TULP3: variants seen among roughly 807,000 people sequenced by gnomAD.
TULP3 encodes the protein tubby-related protein 3.
Under a neutral mutation model 50.7 loss-of-function variants are expected in TULP3, and 38 were observed. The observed-to-expected ratio is 0.75, with a 90% confidence interval of 0.58 to 0.98. The LOEUF is 0.98. TULP3 is among the 50% of genes least tolerant of loss of function. The pLI, the probability that TULP3 is intolerant of heterozygous loss-of-function variation, is 0.00. For synonymous variants in TULP3, 183 were observed against 196.6 expected (o/e 0.93, Z 0.58); for missense variants, 550 against 568.0 (o/e 0.97, Z 0.32).
intron 1 of TULP3, among the ~76,000 whole-genome samples, chr12:2,895,733 A>C (rs1267095572): frequency 2.6e-5 from 4 of 152,180 alleles, no homozygotes; most frequent in Admixed American, 2.6e-4. Context: ...ATTCTGAGAA[A>C]TGTGTCATTA....
chr12:2,908,580 C>T (rs2098183722), intron 1 of TULP3, among the ~76,000 whole-genome samples: 1 of 147,978 alleles, frequency 6.8e-6, no homozygotes, highest in East Asian at 2.0e-4. Flanking sequence ...GTGGCCACCA[C>T]ACCTGGCTAA....
intron 1 of TULP3, among the ~76,000 whole-genome samples, chr12:2,901,399 TGAGACA>T (rs1377931870): frequency 6.6e-6 from 1 of 151,570 alleles, no homozygotes; most frequent in East Asian, 1.9e-4. Flanking sequence ...TTTTATTTTT[TGAGACA>T]GAGTATCACT....
intron 4 of TULP3, among the ~76,000 whole-genome samples, chr12:2,924,993 C>T (rs1016682005): frequency 1.3e-5 from 2 of 152,096 alleles, no homozygotes; most frequent in African/African-American, 4.8e-5. Context: ...CTGGCTAACA[C>T]GGTGAAACCC....
chr12:2,918,906 G>A (rs1330063501), intron 2 of TULP3, among the ~76,000 whole-genome samples: 12 of 146,074 alleles, frequency 8.2e-5, no homozygotes, highest in East Asian at 2.1e-4. Context: ...TTTTTTTTGA[G>A]ACAGAGTCTC....
chr12:2,897,092 T>C (rs1051649081), intron 1 of TULP3, among the ~76,000 whole-genome samples: 3 of 152,080 alleles, frequency 2.0e-5, no homozygotes, highest in Non-Finnish European at 4.4e-5. Context: ...CATGGCAACC[T>C]CCACCTCCTG....
intron 8 of TULP3, among the ~76,000 whole-genome samples, chr12:2,936,800 AAAT>A (rs199611073): frequency 0.2 from 30,612 of 151,630 alleles, 3,163 homozygotes; most frequent in South Asian, 0.26. Flanking sequence ...ATTCTGTTTT[AAAT>A]GTAGGTGTTT....
chr12:2,894,576 C>CA (rs1177993135), intron 1 of TULP3, among the ~76,000 whole-genome samples: 1 of 148,342 alleles, frequency 6.7e-6, no homozygotes, highest in Non-Finnish European at 1.5e-5. Context: ...CGCACGCACA[C>CA]AAAAAAGAGA....
At chr12:2,899,345 C>CAAAAAAA (rs55818833) in intron 1 of TULP3, among the ~76,000 whole-genome samples, 11 of 82,798 alleles carry the variant, frequency 1.3e-4, no homozygotes, top group Non-Finnish European at 1.7e-4. Flanking sequence ...AACGACGTCT[C>CAAAAAAA]AAAAAAAAAA....
intron 3 of TULP3, 41 bp from the exon 4 acceptor site, chr12:2,922,221 C>A (rs1399367076): frequency 6.2e-7 from 1 of 1,600,056 alleles, no homozygotes; most frequent in South Asian, 1.1e-5. Context: ...GTGAATAATA[C>A]TTTGCTCCTT....
chr12:2,891,474 A>G (rs2098172015), intron 1 of TULP3, among the ~76,000 whole-genome samples: 1 of 152,198 alleles, frequency 6.6e-6, no homozygotes, highest in Non-Finnish European at 1.5e-5. Context: ...GGAAACGCGA[A>G]ACTTCTTTTT....
intron 4 of TULP3, among the ~76,000 whole-genome samples, chr12:2,924,759 T>C (rs916389412): frequency 2.0e-5 from 3 of 149,586 alleles, no homozygotes; most frequent in African/African-American, 7.4e-5. Context: ...GAGGCTGAGG[T>C]GGGAGGATTG....
intron 1 of TULP3, 58 bp downstream of exon 1, chr12:2,891,046 G>A: frequency 6.7e-7 from 1 of 1,484,378 alleles, no homozygotes; most frequent in Non-Finnish European, 9.0e-7. Context: ...GAAGCGAGAA[G>A]GCGGAGGTCC....
At position 2,939,229 on chromosome 12, in the gene TULP3, T is replaced by C. The variant is rs2098203259; in HGVS notation, c.1196-82T>C. 1 of 1,497,340 alleles carries C rather than the reference T, an allele frequency of 6.7e-7. No individual in the cohort carries two copies. The highest frequency in any genetic ancestry group is 1.8e-5 in the Admixed American group (1 of 56,142). The allele number at this position is 1,497,340 out of a possible 1,614,324, so 92.8% of individuals were successfully genotyped here. On this transcript the variant is annotated intron_variant, in intron 10 of 10. Transcript: ENST00000448120. This position sits in a 1 kb window ranked among gnomAD's most constrained non-coding sequence, Gnocchi z 4.0. ...CAGGGCGACAGAGCAAAACCCCATC[T>C]AAGAAAAGGAAGAAAAAGAAAAAGA...
intron 4 of TULP3, among the ~76,000 whole-genome samples, chr12:2,927,864 C>G (rs1450730624): frequency 2.2e-4 from 34 of 152,274 alleles, no homozygotes; most frequent in African/African-American, 7.7e-4. Context: ...GGGGTAACTT[C>G]ACCCCGCAGA....
chr12:2,892,263 CT>C (rs554716409), intron 1 of TULP3, among the ~76,000 whole-genome samples: 17 of 148,742 alleles, frequency 1.1e-4, no homozygotes, highest in East Asian at 3.9e-4. Flanking sequence ...GTTCACTGTG[CT>C]TTTTTTTTTC....
intron 3 of TULP3, among the ~76,000 whole-genome samples, chr12:2,921,943 TGTA>T (rs1488440633): frequency 1.3e-5 from 2 of 152,078 alleles, no homozygotes; most frequent in Admixed American, 1.3e-4. Context: ...ATTAGCCAGG[TGTA>T]GTAGCACACA....
intron 1 of TULP3, among the ~76,000 whole-genome samples, chr12:2,891,834 G>A (rs2098172279): frequency 6.6e-6 from 1 of 152,068 alleles, no homozygotes; most frequent in African/African-American, 2.4e-5. Context: ...CAGGAGGATC[G>A]CTTGGTCTCA....
chr12:2,909,699 G>A (rs898595005), intron 2 of TULP3, 119 bp downstream of exon 2: 22 of 1,083,574 alleles, frequency 2.0e-5, no homozygotes, highest in Admixed American at 1.2e-4. Context: ...GAGAAGGCTC[G>A]GGTGGTTACC....
At chr12:2,922,854 A>ACTTT in intron 4 of TULP3, among the ~76,000 whole-genome samples, 1 of 101,926 alleles carries the variant, frequency 9.8e-6, no homozygotes, top group African/African-American at 4.6e-5. Flanking sequence ...TTAGAAAAAT[A>ACTTT]ATTTTTTTTT....
Sources: gnomAD v4.1 joint callset for allele counts (sites outside exome capture counted in the v4.1 genomes callset) on GRCh38, gnomAD v4.1.1 for gene constraint, Gnocchi (gnomAD v3.1) non-coding constraint, MANE v1.5 for transcripts, NCBI Gene and HGNC (gene_info 2026-07-23, HGNC 2026-07-21) for gene names.